Variants in PLPP4 observed in about 807,000 individuals in gnomAD.
The protein encoded by PLPP4 is phospholipid phosphatase 4, also known as diacylglycerol pyrophosphate like 2.
Under a neutral mutation model 32.2 loss-of-function variants are expected in PLPP4, and 20 were observed. The observed-to-expected ratio is 0.62, with a 90% CI of 0.44 to 0.90. PLPP4 has a LOEUF of 0.90. Among genes scored for constraint, PLPP4 ranks in the 40% least tolerant of loss-of-function variants. PLPP4 has a pLI of 0.00. For missense variants in PLPP4, 257 were observed against 353.1 expected (o/e 0.73, Z 2.18); for synonymous variants, 127 against 133.0 (o/e 0.95, Z 0.31).
At chr10:120,550,228 T>G (rs1473448407) in intron 5 of PLPP4, among the ~76,000 whole-genome samples, 1 of 151,856 alleles carries the variant, frequency 6.6e-6, no homozygotes, top group Non-Finnish European at 1.5e-5. Context: ...TACTTAGGAA[T>G]TAATAAACAA....
chr10:120,516,178 T>C (rs1249064986), intron 3 of PLPP4, among the ~76,000 whole-genome samples: 1 of 151,746 alleles, frequency 6.6e-6, no homozygotes, highest in Admixed American at 6.6e-5. Context: ...CGGGTGGGAG[T>C]GGGTGATCCT....
Position 120,589,539 on chromosome 10 carries a change from AC to A in PLPP4, c.*38del, listed in dbSNP as rs1323793539. On this transcript the variant is annotated 3_prime_UTR_variant, in exon 7 of 7. Transcript: ENST00000398250. Reference sequence around the variant, plus strand: ...GGAGGATGGACACTAAGCCCTGGGCACATCTGCCACCCTGACATCATAACAC... The same window carrying A: ...GGAGGATGGACACTAAGCCCTGGGCAATCTGCCACCCTGACATCATAACAC... 2.9e-5 allele frequency: 43 copies of A among 1,505,892 alleles called. No individual in the cohort carries two copies. Among genetic ancestry groups the A allele is most frequent in the Non-Finnish European group, 4.0e-5 (43 of 1,087,198 alleles). 93.3% of individuals were successfully genotyped at this position (1,505,892 alleles called of 1,614,324 possible).
intron 1 of PLPP4, among the ~76,000 whole-genome samples, chr10:120,476,346 G>A (rs1843909192): frequency 6.6e-6 from 1 of 152,160 alleles, no homozygotes; most frequent in South Asian, 2.1e-4. Context: ...GCCAGGTAAC[G>A]TTTTTATGCT....
Position 120,530,004 on chromosome 10 carries a change from C to T in PLPP4, c.445+8909C>T, listed in dbSNP as rs576073969. ...TTTCTTTCAACTTTTTATTATACAACATTTCAGGCATATGAAAGACAGCAA... is the reference window on the plus strand; with the variant it reads ...TTTCTTTCAACTTTTTATTATACAATATTTCAGGCATATGAAAGACAGCAA... On this transcript the variant is annotated intron_variant, in intron 5 of 6. Transcript: ENST00000398250. 1.5e-4 allele frequency among the ~76,000 whole-genome samples: 23 copies of T among 152,296 alleles called. No individual in the cohort carries two copies. The Middle Eastern group carries it at 0.01, about 68-fold the overall frequency.
intron 1 of PLPP4, among the ~76,000 whole-genome samples, chr10:120,492,364 G>A (rs932536598): frequency 1.3e-5 from 2 of 152,228 alleles, no homozygotes; most frequent in Non-Finnish European, 2.9e-5. Flanking sequence ...TCTGCACATT[G>A]TGTTGCTGCC....
At chr10:120,531,502 G>A (rs554188218) in intron 5 of PLPP4, among the ~76,000 whole-genome samples, 6 of 152,216 alleles carry the variant, frequency 3.9e-5, no homozygotes, top group African/African-American at 1.4e-4. Flanking sequence ...ATTGCACTCT[G>A]TGTCCTAAGA....
chr10:120,587,019 C>A (rs150009283), intron 6 of PLPP4, among the ~76,000 whole-genome samples: 86 of 151,724 alleles, frequency 5.7e-4, no homozygotes, highest in African/African-American at 2.0e-3. Flanking sequence ...GAAATGATAT[C>A]GAGCCCTGAA....
chr10:120,518,811 G>C, intron 3 of PLPP4, 22 bp from the exon 4 acceptor site: 2 of 1,606,316 alleles, frequency 1.2e-6, no homozygotes, highest in Non-Finnish European at 8.5e-7. Context: ...CTATTTTTCT[G>C]TCTGTTGGTT....
chr10:120,487,421 C>T (rs1589750087), intron 1 of PLPP4, among the ~76,000 whole-genome samples: 2 of 152,162 alleles, frequency 1.3e-5, no homozygotes, highest in African/African-American at 2.4e-5. Context: ...GTCAATTGCA[C>T]AGAGAACTGA....
At chr10:120,575,072 C>T in intron 5 of PLPP4, 59 bp from the exon 6 acceptor site, 3 of 1,552,016 alleles carry the variant, frequency 1.9e-6, no homozygotes, top group Non-Finnish European at 1.8e-6. Flanking sequence ...GCCCAGCACG[C>T]ACTGAGTCCC....
At chr10:120,512,011 G>A (rs924348456) in intron 2 of PLPP4, among the ~76,000 whole-genome samples, 7 of 151,886 alleles carry the variant, frequency 4.6e-5, no homozygotes, top group African/African-American at 1.7e-4. Flanking sequence ...GGAGAATGGC[G>A]TGAACCCAGG....
chr10:120,473,441 G>A (rs2133798921), intron 1 of PLPP4, among the ~76,000 whole-genome samples: 1 of 152,128 alleles, frequency 6.6e-6, no homozygotes, highest in East Asian at 1.9e-4. Flanking sequence ...GCACTGGCTG[G>A]GTGCTGAAAT....
chr10:120,460,406 G>A lies in PLPP4; in HGVS notation c.56+3045G>A, dbSNP rs746455040. Among the ~76,000 whole-genome samples the A allele has an allele frequency of 1.6e-3, 244 of 152,304 alleles. 2 individuals are homozygous for A. Among genetic ancestry groups the A allele is most frequent in the Non-Finnish European group, 2.7e-3 (182 of 68,024 alleles). On this transcript the variant is annotated intron_variant, in intron 1 of 6. Coordinates refer to ENST00000398250, the MANE Select transcript of PLPP4 (RefSeq NM_001030059.3). ...AGACCTTACTCAGCAAGCACATAGT[G>A]TAGAAATGAGATGGCTGGTTAACAC...
At chr10:120,541,122 C>T (rs747390859) in intron 5 of PLPP4, among the ~76,000 whole-genome samples, 14 of 152,162 alleles carry the variant, frequency 9.2e-5, no homozygotes, top group Non-Finnish European at 2.1e-4. Context: ...CATTGTTCTA[C>T]ATAAATAAAT....
Position 120,590,246 on chromosome 10 carries a change from T to A in PLPP4, c.*744T>A, listed in dbSNP as rs1015246426. Among the ~76,000 whole-genome samples, 3 of 152,202 alleles carry A rather than the reference T, an allele frequency of 2.0e-5. No individual in the cohort carries two copies. The highest frequency in any genetic ancestry group is 4.4e-5 in the Non-Finnish European group (3 of 68,026). On this transcript the variant is annotated 3_prime_UTR_variant, in exon 7 of 7. Transcript: ENST00000398250. ...GTTTATGGAGCCACTTCTGTAGCTC[T>A]GCCTCATACAGTGAATTTTTGGGGC... is the stretch of plus-strand genomic sequence containing the variant.
rs374012268 is a variant in PLPP4 at position 120,459,845 on chromosome 10, C to T, written c.56+2484C>T. Among the ~76,000 whole-genome samples the T allele has an allele frequency of 2.4e-4, 37 of 152,264 alleles. 1 individual carries two copies. In the South Asian group the frequency reaches 5.6e-3, roughly 23 times the overall value. On this transcript the variant is annotated intron_variant, in intron 1 of 6. Transcript: ENST00000398250. ...GCATGAGAGCAGGGATCCTGTTACCCGTAGCCCATATGCTCCTCAAAGATT... is the reference window on the plus strand; with the variant it reads ...GCATGAGAGCAGGGATCCTGTTACCTGTAGCCCATATGCTCCTCAAAGATT...
At chr10:120,471,483 T>C (rs1169177649) in intron 1 of PLPP4, among the ~76,000 whole-genome samples, 1 of 152,004 alleles carries the variant, frequency 6.6e-6, no homozygotes, top group Non-Finnish European at 1.5e-5. Context: ...TTTATTATTA[T>C]AAAATTTCTA....
At chr10:120,523,669 A>T (rs1178604975) in intron 5 of PLPP4, among the ~76,000 whole-genome samples, 1 of 151,540 alleles carries the variant, frequency 6.6e-6, no homozygotes, top group Non-Finnish European at 1.5e-5. Context: ...TCCTTCTTTC[A>T]TTCCTCCCTT....
At chr10:120,517,883 A>G (rs1253619580) in intron 3 of PLPP4, among the ~76,000 whole-genome samples, 7 of 152,166 alleles carry the variant, frequency 4.6e-5, no homozygotes, top group Admixed American at 6.5e-5. Flanking sequence ...ATTCACTGCT[A>G]TATTCTTATA....
Sources: gnomAD v4.1 joint callset for allele counts (sites outside exome capture counted in the v4.1 genomes callset) on GRCh38, gnomAD v4.1.1 for gene constraint, MANE v1.5 for transcripts, NCBI Gene and HGNC (gene_info 2026-07-23, HGNC 2026-07-21) for gene names.